The following UGT1A7 variants were observed in gnomAD, a reference collection of about 807,000 sequenced individuals.
The protein encoded by UGT1A7 is UDP-glucuronosyltransferase 1A7.
A neutral mutation model predicts 45.6 loss-of-function variants in UGT1A7; 33 were observed. The ratio of observed to expected loss-of-function variants is 0.72; its 90% CI spans 0.55 to 0.97. The LOEUF (loss-of-function observed/expected upper bound fraction) is 0.97. Ranked by LOEUF, UGT1A7 falls within the 50% of genes least tolerant of loss-of-function variation. The pLI, the probability that UGT1A7 is intolerant of heterozygous loss-of-function variation, is 0.00. For synonymous variants in UGT1A7, 274 were observed against 250.6 expected, an observed-to-expected ratio of 1.09 and a Z score of -0.88; for missense variants, 684 against 666.2, an observed-to-expected ratio of 1.03 and a Z score of -0.29.
At chr2:233,755,374 C>G (rs1205727870) in intron 1 of UGT1A7, 3 of 355,518 alleles carry the variant, frequency 8.4e-6, no homozygotes, top group South Asian at 6.7e-5. Flanking sequence ...CCTGGAGGGC[C>G]GCCCCTTATG....
chr2:233,755,009 G>A (rs1198421851), intron 1 of UGT1A7: 5 of 1,292,374 alleles, frequency 3.9e-6, no homozygotes, highest in East Asian at 4.6e-5. Context: ...AGACCTACTC[G>A]AAGGGGTCCT....
chr2:233,759,921 T>C (rs1359496363), intron 1 of UGT1A7, among the ~76,000 whole-genome samples: 1 of 152,198 alleles, frequency 6.6e-6, no homozygotes, highest in African/African-American at 2.4e-5. Context: ...TTCTGTTTAA[T>C]TTCTGGAAAA....
chr2:233,724,334 G>C (rs2077226090), intron 1 of UGT1A7, among the ~76,000 whole-genome samples: 2 of 148,198 alleles, frequency 1.3e-5, no homozygotes, highest in African/African-American at 5.0e-5. Context: ...GCCAGGCGGG[G>C]GGCTGACCCC....
At chr2:233,768,066 C>A in intron 3 of UGT1A7, 130 bp downstream of exon 3, 1 of 1,597,468 alleles carries the variant, frequency 6.3e-7, no homozygotes, top group Non-Finnish European at 8.5e-7. Context: ...TGCTTTTTAT[C>A]TAGTGGGGTA....
intron 1 of UGT1A7, among the ~76,000 whole-genome samples, chr2:233,699,197 C>G (rs966518416): frequency 2.0e-5 from 3 of 152,172 alleles, no homozygotes; most frequent in African/African-American, 7.2e-5. Context: ...TTCAGAATCT[C>G]ATGCTGTTGC....
Position 233,772,666 on chromosome 2 carries a change from T to G in UGT1A7, c.*107T>G. 6.5e-7 allele frequency: 1 copy of G among 1,538,162 alleles called. No individual in the cohort carries two copies. Among genetic ancestry groups the G allele is most frequent in the South Asian group, 1.2e-5 (1 of 82,746 alleles). Reference sequence around the variant, plus strand: ...ATTTTATTCTTATTAAGGAAATACTTTGCATAAATTAATCAGCCCCAGAGT... The same window carrying G: ...ATTTTATTCTTATTAAGGAAATACTGTGCATAAATTAATCAGCCCCAGAGT... On this transcript the variant is annotated 3_prime_UTR_variant, in exon 5 of 5. Coordinates refer to ENST00000373426, the MANE Select transcript of UGT1A7 (RefSeq NM_019077.3).
intron 1 of UGT1A7, chr2:233,741,852 C>A (rs961100244): frequency 4.0e-5 from 6 of 151,852 alleles, no homozygotes; most frequent in Admixed American, 6.5e-5. Flanking sequence ...TGCTCTCATG[C>A]CTTATGCAAA....
At chr2:233,734,729 GT>G (rs200668434) in intron 1 of UGT1A7, among the ~76,000 whole-genome samples, 10,395 of 152,166 alleles carry the variant, frequency 0.068, 499 homozygotes, top group East Asian at 0.2. Flanking sequence ...GTTCTCGTCG[GT>G]TTCAAAGAAC....
At chr2:233,706,326 T>A (rs559515349) in intron 1 of UGT1A7, among the ~76,000 whole-genome samples, 1 of 152,306 alleles carries the variant, frequency 6.6e-6, no homozygotes, top group East Asian at 1.9e-4. Flanking sequence ...TTGGAACTAT[T>A]CAAGCTGGTG....
In UGT1A7 at chr2:233,743,247, C is replaced by T. The variant is rs569147758; in HGVS notation, c.856-23787C>T. The T allele has an allele frequency of 9.0e-4, 388 of 431,248 alleles. 10 individuals are homozygous for T. The highest frequency in any genetic ancestry group is 7.4e-3 in the African/African-American group (352 of 47,686). 26.7% of individuals were successfully genotyped at this position (431,248 alleles called of 1,614,324 possible). ...CTATTTATTATGAAGGACTTTAACTCAACTCTCCATCTTCCTCCACTTCCA... is the reference window on the plus strand; with the variant it reads ...CTATTTATTATGAAGGACTTTAACTTAACTCTCCATCTTCCTCCACTTCCA... On this transcript the variant is annotated intron_variant, in intron 1 of 4. Transcript: ENST00000373426.
intron 1 of UGT1A7, chr2:233,740,667 G>T (rs567869462): frequency 6.6e-6 from 1 of 151,914 alleles, no homozygotes; most frequent in East Asian, 1.9e-4. Flanking sequence ...AGAAGGTACA[G>T]GTGTTTCCAT....
At chr2:233,699,399 G>T (rs1351749107) in intron 1 of UGT1A7, among the ~76,000 whole-genome samples, 2 of 152,200 alleles carry the variant, frequency 1.3e-5, no homozygotes, top group Non-Finnish European at 2.9e-5. Context: ...TTTTAGAAGA[G>T]AATTTAGCTT....
chr2:233,743,362 C>T (rs1294240310), intron 1 of UGT1A7: 4 of 1,036,752 alleles, frequency 3.9e-6, no homozygotes, highest in Non-Finnish European at 5.4e-6. Flanking sequence ...CTTGAAGCTG[C>T]CTGTCCCATC....
chr2:233,772,784 A>G lies in UGT1A7; in HGVS notation c.*225A>G. ...CGTGCCCCCTCTGGTGTCTTTGATCAGGATGACATGTGCCATTTTTCAGAG... is the reference window on the plus strand; with the variant it reads ...CGTGCCCCCTCTGGTGTCTTTGATCGGGATGACATGTGCCATTTTTCAGAG... On this transcript the variant is annotated 3_prime_UTR_variant, in exon 5 of 5. Transcript: ENST00000373426. 1 of 1,271,314 alleles carries G rather than the reference A, an allele frequency of 7.9e-7. No homozygotes were observed. Among genetic ancestry groups the G allele is most frequent in the Non-Finnish European group, 1.0e-6 (1 of 961,544 alleles). 78.8% of individuals were successfully genotyped at this position (1,271,314 alleles called of 1,614,324 possible).
At chr2:233,725,835 C>T (rs141517259) in intron 1 of UGT1A7, among the ~76,000 whole-genome samples, 2 of 152,170 alleles carry the variant, frequency 1.3e-5, no homozygotes, top group African/African-American at 4.8e-5. Flanking sequence ...ATTGCTACTC[C>T]TATGTTATTT....
Position 233,767,856 on chromosome 2 carries a change from G to C in UGT1A7, c.995G>C (p.Trp332Ser), listed in dbSNP as rs1181740769. ...ALGKIPQTVL[W>S]RYTGTRPSNL... Reference sequence around the variant, plus strand: ...TCTTTTTGCCCCTCCCAGGTCCTGTGGCGGTACACTGGAACCCGACCATCG... The same window carrying C: ...TCTTTTTGCCCCTCCCAGGTCCTGTCGCGGTACACTGGAACCCGACCATCG... The change falls in exon 3 of 5, where the codon TGG becomes TCG. Residue 332 changes from tryptophan (W) to serine (S), a missense_variant. Physicochemically the swap from Trp to Ser is radical, Grantham distance 177. Coordinates refer to ENST00000373426, the MANE Select transcript of UGT1A7 (RefSeq NM_019077.3). 1 of 1,614,108 alleles carries C rather than the reference G, an allele frequency of 6.2e-7. No individual in the cohort carries two copies. Among genetic ancestry groups the C allele is most frequent in the South Asian group, 1.1e-5 (1 of 91,082 alleles).
intron 1 of UGT1A7, chr2:233,744,022 A>C (rs773777598): frequency 3.4e-4 from 328 of 975,622 alleles, no homozygotes; most frequent in East Asian, 3.5e-4. Context: ...GCCTGGAGAG[A>C]CGCCCCTTAT....
chr2:233,748,202 A>G (rs1693892993), intron 1 of UGT1A7: 1 of 1,528,284 alleles, frequency 6.5e-7, no homozygotes. Flanking sequence ...GCTTGTCGTA[A>G]TAGCCTTCAG....
At chr2:233,727,543 C>G (rs1033335466) in intron 1 of UGT1A7, among the ~76,000 whole-genome samples, 5 of 152,154 alleles carry the variant, frequency 3.3e-5, no homozygotes, top group Non-Finnish European at 7.3e-5. Flanking sequence ...GTGTTCCACC[C>G]GTCACCTGGG....
Sources: allele counts gnomAD v4.1 joint callset (sites outside exome capture counted in the v4.1 genomes callset), GRCh38; gene constraint gnomAD v4.1.1; transcripts MANE v1.5; gene names NCBI Gene and HGNC (gene_info 2026-07-23, HGNC 2026-07-21).